PCDH11X: variants seen among roughly 807,000 people sequenced by gnomAD.
PCDH11X encodes the protein protocadherin 11 X-linked.
Under a neutral mutation model 53.3 loss-of-function variants are expected in PCDH11X, and 18 were observed. The observed-to-expected ratio is 0.34, with a 90% CI of 0.23 to 0.50. The LOEUF (loss-of-function observed/expected upper bound fraction) is 0.50. Ranked by LOEUF, PCDH11X falls within the 20% of genes least tolerant of loss-of-function variation. The probability of loss-of-function intolerance (pLI) is 0.98; values close to 1 mark genes in which losing one functional copy is unlikely to be tolerated. For missense variants in PCDH11X, 570 were observed against 1,032.4 expected (o/e 0.55, Z 6.14); for synonymous variants, 279 against 393.3 (o/e 0.71, Z 3.44).
At chrX:92,222,890 C>T (rs2066907826) in intron 7 of PCDH11X, among the ~76,000 whole-genome samples, 1 of 112,166 alleles carries the variant, frequency 8.9e-6, no homozygotes, top group African/African-American at 3.2e-5. Context: ...TTCCGTCACC[C>T]GTTGTTCACT....
intron 1 of PCDH11X, among the ~76,000 whole-genome samples, chrX:91,794,289 T>C (rs1935658848): frequency 8.9e-6 from 1 of 111,876 alleles, no homozygotes; most frequent in Non-Finnish European, 1.9e-5. Context: ...AAATGAAGAA[T>C]TGAGCTAGTC....
chrX:92,031,080 T>A (rs1160761460), intron 6 of PCDH11X, among the ~76,000 whole-genome samples: 2 of 111,447 alleles, frequency 1.8e-5, no homozygotes, highest in Non-Finnish European at 3.8e-5. Flanking sequence ...CCATAGTGGT[T>A]GTACTAATTT....
intron 8 of PCDH11X, among the ~76,000 whole-genome samples, chrX:92,360,243 T>A (rs756844280): frequency 9.0e-6 from 1 of 111,309 alleles, no homozygotes; most frequent in Non-Finnish European, 1.9e-5. Context: ...TTATACTTTG[T>A]ATACAGTGCT....
At chrX:92,527,086 G>A (rs1425708633) in intron 10 of PCDH11X, among the ~76,000 whole-genome samples, 3 of 111,383 alleles carry the variant, frequency 2.7e-5, no homozygotes, top group Non-Finnish European at 5.7e-5. Flanking sequence ...ACTCAGGAAC[G>A]TAGAAAGTTG....
At chrX:91,968,958 G>A (rs1221632547) in intron 6 of PCDH11X, among the ~76,000 whole-genome samples, 5 of 111,168 alleles carry the variant, frequency 4.5e-5, no homozygotes, top group African/African-American at 1.6e-4. Flanking sequence ...TAGAAAGTCC[G>A]AAATCTTACT....
chrX:92,217,177 A>G (rs1464962250), intron 7 of PCDH11X, among the ~76,000 whole-genome samples: 45 of 110,845 alleles, frequency 4.1e-4, no homozygotes, highest in Admixed American at 1.8e-3. Flanking sequence ...ACATCAAAAT[A>G]ACAGGATCAA....
intron 6 of PCDH11X, among the ~76,000 whole-genome samples, chrX:92,198,229 C>G (rs983975078): frequency 1.1e-4 from 2 of 18,383 alleles, no homozygotes; most frequent in African/African-American, 2.3e-4. Flanking sequence ...AACACTGTCT[C>G]TACAAAAAAA....
chrX:92,546,753 T>G (rs2074862096), intron 10 of PCDH11X, among the ~76,000 whole-genome samples: 1 of 111,479 alleles, frequency 9.0e-6, no homozygotes, highest in African/African-American at 3.3e-5. Flanking sequence ...AACCATACAA[T>G]TATTTCATCA....
chrX:91,890,074 A>T (rs2147762006), intron 6 of PCDH11X, among the ~76,000 whole-genome samples: 1 of 104,261 alleles, frequency 9.6e-6, no homozygotes, highest in South Asian at 4.5e-4. Flanking sequence ...GATGTCTAGA[A>T]GTTAATATAC....
intron 6 of PCDH11X, among the ~76,000 whole-genome samples, chrX:92,136,993 T>C (rs1276030666): frequency 9.6e-6 from 1 of 104,361 alleles, no homozygotes; most frequent in Non-Finnish European, 1.9e-5. Flanking sequence ...TCTTTTTTTT[T>C]TTTTCTTGAG....
chrX:92,142,922 GCACACA>G (rs58301269), intron 6 of PCDH11X, among the ~76,000 whole-genome samples: 4,114 of 102,488 alleles, frequency 0.04, 196 homozygotes, highest in African/African-American at 0.14. Context: ...ACAGATGCAT[GCACACA>G]CACACACACA....
intron 10 of PCDH11X, among the ~76,000 whole-genome samples, chrX:92,596,206 C>T (rs904654955): frequency 1.8e-5 from 2 of 112,175 alleles, no homozygotes; most frequent in African/African-American, 6.5e-5. Context: ...TGTCATACAC[C>T]AGTGAGTACG....
intron 8 of PCDH11X, among the ~76,000 whole-genome samples, chrX:92,334,248 A>G (rs2069562239): frequency 8.9e-6 from 1 of 111,892 alleles, no homozygotes; most frequent in African/African-American, 3.2e-5. Flanking sequence ...TACACGCAGA[A>G]ACACAGACCA....
chrX:92,057,761 A>G (rs1183460841), intron 6 of PCDH11X, among the ~76,000 whole-genome samples: 1 of 102,155 alleles, frequency 9.8e-6, no homozygotes, highest in Non-Finnish European at 2.0e-5. Context: ...AACTTGAGGA[A>G]AAGATTTATT....
At chrX:92,096,439 TG>T (rs2064136277) in intron 6 of PCDH11X, among the ~76,000 whole-genome samples, 1 of 7,859 alleles carries the variant, frequency 1.3e-4, no homozygotes, top group African/African-American at 4.4e-4. Flanking sequence ...TGTATGTGTA[TG>T]TGTGTGTGTG....
At chrX:92,374,708 T>G (rs1476065306) in intron 8 of PCDH11X, among the ~76,000 whole-genome samples, 2 of 111,411 alleles carry the variant, frequency 1.8e-5, no homozygotes, top group African/African-American at 6.5e-5. Context: ...GGATCTGAGA[T>G]GTGTTCAAGT....
At chrX:92,095,702 C>T (rs4022206) in intron 6 of PCDH11X, among the ~76,000 whole-genome samples, 4,393 of 111,780 alleles carry the variant, frequency 0.039, 207 homozygotes, top group African/African-American at 0.14. Context: ...TAAAAATATA[C>T]GCCATTTAAA....
At chrX:92,141,939 G>T (rs1238393921) in intron 6 of PCDH11X, among the ~76,000 whole-genome samples, 2 of 111,088 alleles carry the variant, frequency 1.8e-5, no homozygotes, top group South Asian at 3.7e-4. Context: ...CTGTATCATT[G>T]TTGAATATTG....
chrX:91,926,383 T>G (rs867329454), intron 6 of PCDH11X, among the ~76,000 whole-genome samples: 1 of 111,166 alleles, frequency 9.0e-6, no homozygotes, highest in African/African-American at 3.3e-5. Flanking sequence ...GATTTAAATG[T>G]TAATCATATG....
Sources: gnomAD v4.1 joint callset for allele counts (sites outside exome capture counted in the v4.1 genomes callset) on GRCh38, gnomAD v4.1.1 for gene constraint, MANE v1.5 for transcripts, NCBI Gene and HGNC (gene_info 2026-07-23, HGNC 2026-07-21) for gene names.